WWP2: variants seen among roughly 807,000 people sequenced by gnomAD.
WWP2 encodes NEDD4-like E3 ubiquitin-protein ligase WWP2.
A neutral mutation model predicts 121.0 loss-of-function variants in WWP2; 57 were observed. That is an observed-to-expected ratio of 0.47 (90% CI 0.38 to 0.59). The LOEUF is 0.59. Among genes scored for constraint, WWP2 ranks in the 20% least tolerant of loss-of-function variants. WWP2 has a pLI of 0.00. For missense variants in WWP2, 962 were observed against 1,158.9 expected (o/e 0.83, Z 2.47); for synonymous variants, 449 against 441.3 (o/e 1.02, Z -0.22).
chr16:69,820,950 G>C (rs964478966), intron 4 of WWP2, among the ~76,000 whole-genome samples: 3 of 152,176 alleles, frequency 2.0e-5, no homozygotes, highest in African/African-American at 7.2e-5. Context: ...GGCTCACCTC[G>C]GAGGCTGACA....
intron 4 of WWP2, among the ~76,000 whole-genome samples, chr16:69,836,478 A>G (rs1027421340): frequency 6.6e-6 from 1 of 152,204 alleles, no homozygotes; most frequent in African/African-American, 2.4e-5. Flanking sequence ...TCTCAGTGAC[A>G]GTAAATTAGA....
At chr16:69,816,117 G>C (rs1222168657) in intron 4 of WWP2, among the ~76,000 whole-genome samples, 1 of 152,046 alleles carries the variant, frequency 6.6e-6, no homozygotes, top group Admixed American at 6.6e-5. Flanking sequence ...TGCATACCCA[G>C]TTAGTTTTTT....
intron 7 of WWP2, among the ~76,000 whole-genome samples, 178 bp from the exon 8 acceptor site, chr16:69,887,861 G>T (rs9921205): frequency 0.022 from 3,279 of 152,232 alleles, 96 homozygotes; most frequent in African/African-American, 0.067. Flanking sequence ...CTTTGGACAG[G>T]CATTAATGAC....
At chr16:69,898,027 CTTTT>C (rs369977148) in intron 8 of WWP2, among the ~76,000 whole-genome samples, 3 of 128,130 alleles carry the variant, frequency 2.3e-5, no homozygotes, top group African/African-American at 5.8e-5. Context: ...TTCTTTCTTT[CTTTT>C]TTTTTTTTTT....
chr16:69,832,273 A>G (rs2056807118), intron 4 of WWP2, among the ~76,000 whole-genome samples: 1 of 152,286 alleles, frequency 6.6e-6, no homozygotes, highest in East Asian at 1.9e-4. Flanking sequence ...TACCCAGTTC[A>G]GTAGCCATCT....
At chr16:69,771,842 T>C (rs1180590661) in intron 1 of WWP2, among the ~76,000 whole-genome samples, 1 of 152,072 alleles carries the variant, frequency 6.6e-6, no homozygotes, top group African/African-American at 2.4e-5. Context: ...GTTTATAATG[T>C]AGACTTTCAC....
intron 16 of WWP2, among the ~76,000 whole-genome samples, chr16:69,932,882 C>T (rs530759295): frequency 5.3e-5 from 8 of 152,348 alleles, no homozygotes; most frequent in East Asian, 1.9e-4. Flanking sequence ...CGCTGTGGCC[C>T]GCAGCGACCT....
intron 4 of WWP2, among the ~76,000 whole-genome samples, chr16:69,814,920 G>A (rs983590313): frequency 6.6e-6 from 1 of 152,026 alleles, no homozygotes; most frequent in Non-Finnish European, 1.5e-5. Context: ...GAGAAGAGAA[G>A]AAATTTTTAA....
Position 69,799,600 on chromosome 16 carries a change from A to G in WWP2, c.340+305A>G, listed in dbSNP as rs542260211. Reference sequence around the variant, plus strand: ...CTTCCCGTTGCAGGAGATGTGTGATATGTTGAATGAAACTGTCAAATACCT... The same window carrying G: ...CTTCCCGTTGCAGGAGATGTGTGATGTGTTGAATGAAACTGTCAAATACCT... On this transcript the variant is annotated intron_variant, in intron 4 of 23. Transcript: ENST00000359154. This position sits in a 1 kb window ranked among gnomAD's most constrained non-coding sequence, Gnocchi z 4.5. 6.6e-6 allele frequency: 2 copies of G among 303,552 alleles called. No homozygotes were observed. The highest frequency in any genetic ancestry group is 6.8e-5 in the East Asian group (1 of 14,732). The allele number at this position is 303,552 out of a possible 1,614,324, so 18.8% of individuals were successfully genotyped here.
At chr16:69,930,779 G>A (rs1295447681) in intron 13 of WWP2, among the ~76,000 whole-genome samples, 4 of 152,168 alleles carry the variant, frequency 2.6e-5, no homozygotes, top group Non-Finnish European at 2.9e-5. Context: ...AGCTAAAGCG[G>A]GAGGATCGCT....
At chr16:69,920,966 A>G (rs531702189) in intron 10 of WWP2, among the ~76,000 whole-genome samples, 1 of 152,258 alleles carries the variant, frequency 6.6e-6, no homozygotes, top group African/African-American at 2.4e-5. Flanking sequence ...TCTCTTAGCA[A>G]CATTATTCTG....
chr16:69,939,059 C>T lies in WWP2; in HGVS notation c.2376C>T (p.Ile792=). Residue 792 remains isoleucine (I), a synonymous_variant, in exon 22 of 24, where the codon ATC becomes ATT. Coordinates refer to ENST00000359154, the MANE Select transcript of WWP2 (RefSeq NM_001270454.2). ...AGGAGATGGACAACGAGAAGAGGAT[C>T]CGGCTGCTGCAGTTTGTCACCGGTA... ...VVKEMDNEKR[I]RLLQFVTGTC... is the part of the protein sequence containing the mutation. The T allele has an allele frequency of 1.2e-6, 2 of 1,606,668 alleles. No individual in the cohort carries two copies. The highest frequency in any genetic ancestry group is 1.7e-6 in the Non-Finnish European group (2 of 1,176,234).
intron 23 of WWP2, among the ~76,000 whole-genome samples, 174 bp downstream of exon 23, chr16:69,939,587 C>T (rs1362569989): frequency 2.6e-5 from 4 of 152,144 alleles, no homozygotes; most frequent in African/African-American, 9.7e-5. Context: ...CCGGGTTTTA[C>T]ATATGAAGCA....
intron 6 of WWP2, among the ~76,000 whole-genome samples, chr16:69,852,927 TAA>T (rs1265329200): frequency 6.6e-6 from 1 of 152,148 alleles, no homozygotes; most frequent in African/African-American, 2.4e-5. Context: ...CAGCAAAACC[TAA>T]AAGATTTACG....
At chr16:69,782,396 C>T (rs1227992974) in intron 1 of WWP2, among the ~76,000 whole-genome samples, 1 of 152,046 alleles carries the variant, frequency 6.6e-6, no homozygotes, top group African/African-American at 2.4e-5. Flanking sequence ...CAGGAGCCAA[C>T]CAAGAAGGCT....
intron 6 of WWP2, 60 bp from the exon 7 acceptor site, chr16:69,871,744 A>G (rs2057639830): frequency 1.9e-6 from 3 of 1,597,800 alleles, no homozygotes; most frequent in Non-Finnish European, 2.6e-6. Flanking sequence ...TTAGGTAGGA[A>G]ACACTTCTGT....
Position 69,793,142 on chromosome 16 carries a change from G to A in WWP2, c.71-5540G>A, listed in dbSNP as rs547898250. ...AGGCCTAGGTGGGATCATGAGGTCA[G>A]GAGTTCAAGACCAGCCTCGCCAAGA... On this transcript the variant is annotated intron_variant, in intron 2 of 23. Transcript: ENST00000359154. 2.0e-5 allele frequency among the ~76,000 whole-genome samples: 3 copies of A among 152,258 alleles called. No homozygotes were observed. In the East Asian group the frequency reaches 5.8e-4, roughly 29 times the overall value.
intron 4 of WWP2, among the ~76,000 whole-genome samples, chr16:69,823,892 G>A (rs1263406787): frequency 6.6e-6 from 1 of 152,196 alleles, no homozygotes; most frequent in Non-Finnish European, 1.5e-5. Context: ...TGAGCCTGTG[G>A]CACAGGGGCG....
chr16:69,797,827 G>A (rs2056079123), intron 2 of WWP2, among the ~76,000 whole-genome samples: 1 of 152,050 alleles, frequency 6.6e-6, no homozygotes, highest in African/African-American at 2.4e-5. Flanking sequence ...GGCAGAGGTT[G>A]CAGTGAGCCG....
Sources: allele counts gnomAD v4.1 joint callset (sites outside exome capture counted in the v4.1 genomes callset), GRCh38; gene constraint gnomAD v4.1.1; non-coding constraint Gnocchi (gnomAD v3.1); transcripts MANE v1.5; gene names NCBI Gene and HGNC (gene_info 2026-07-23, HGNC 2026-07-21).